The following LYRM4 variants were observed in gnomAD, a reference collection of about 807,000 sequenced individuals.
The protein encoded by LYRM4 is LYR motif-containing protein 4.
A neutral mutation model predicts 11.7 loss-of-function variants in LYRM4; 9 were observed. The ratio of observed to expected loss-of-function variants is 0.77; its 90% confidence interval spans 0.46 to 1.34. LYRM4 has a LOEUF of 1.34. LYRM4 is among the 40% of genes most tolerant of loss of function. LYRM4 has a pLI of 0.00. For missense variants in LYRM4, 133 were observed against 112.5 expected, an observed-to-expected ratio of 1.18 and a Z score of -0.82; for synonymous variants, 42 against 40.4, an observed-to-expected ratio of 1.04 and a Z score of -0.15.
At chr6:5,186,856 C>A (rs766103796) in intron 2 of LYRM4, 3 of 478,766 alleles carry the variant, frequency 6.3e-6, no homozygotes, top group Admixed American at 3.1e-5. Context: ...TGGTGGCGTG[C>A]GCCTATAATC....
chr6:5,137,998 C>T (rs1056468148), intron 2 of LYRM4, among the ~76,000 whole-genome samples: 1 of 152,146 alleles, frequency 6.6e-6, no homozygotes, highest in African/African-American at 2.4e-5. Context: ...GTTCACTTTG[C>T]CTTTGGTCAA....
chr6:5,053,788 AAG>A, the LYRM4 span, among the ~76,000 whole-genome samples: 1 of 152,226 alleles, frequency 6.6e-6, no homozygotes, highest in African/African-American at 2.4e-5. Flanking sequence ...GCCAGTTTCA[AAG>A]ACTCTCTTTG....
chr6:5,101,133 C>T (rs991470453), downstream of LYRM4, among the ~76,000 whole-genome samples: 1 of 152,194 alleles, frequency 6.6e-6, no homozygotes, highest in African/African-American at 2.4e-5. Context: ...CACATAACCC[C>T]CACACCCCTT....
At chr6:5,098,471 G>A in the LYRM4 span, among the ~76,000 whole-genome samples, 26 of 152,272 alleles carry the variant, frequency 1.7e-4, no homozygotes, top group Admixed American at 3.9e-4. Context: ...ACATACCCTC[G>A]GAGTGGGCCT....
intron 2 of LYRM4, chr6:5,186,840 C>A: frequency 1.8e-6 from 1 of 543,508 alleles, no homozygotes; most frequent in Non-Finnish European, 3.0e-6. Context: ...AAAAATTAGC[C>A]AGGCGTGGTG....
chr6:5,097,089 T>G, the LYRM4 span, among the ~76,000 whole-genome samples: 3 of 152,238 alleles, frequency 2.0e-5, no homozygotes, highest in African/African-American at 7.2e-5. Context: ...TGTCTTATAG[T>G]TATGGAGACT....
At chr6:5,249,566 G>A (rs1764340434) in intron 1 of LYRM4, among the ~76,000 whole-genome samples, 1 of 152,142 alleles carries the variant, frequency 6.6e-6, no homozygotes, top group African/African-American at 2.4e-5. Flanking sequence ...GAATTCCAAT[G>A]AGAACCTATG....
At chr6:5,143,890 G>A (rs9504351) in intron 2 of LYRM4, among the ~76,000 whole-genome samples, 3,172 of 152,330 alleles carry the variant, frequency 0.021, 60 homozygotes, top group South Asian at 0.088. Flanking sequence ...TATTGTATAA[G>A]TGATTTATGT....
rs201424296 is a variant in LYRM4, at chr6:5,114,745, G to GA, written c.208-5255dup. On this transcript the variant is annotated intron_variant, in intron 2 of 2. Transcript: ENST00000330636. Reference sequence around the variant, plus strand: ...CTAACGAAAGCTGATGAGCTAAAAGGAAAAAAAAAAAATCGCAAAAAAAAA... The same window carrying GA: ...CTAACGAAAGCTGATGAGCTAAAAGGAAAAAAAAAAAAATCGCAAAAAAAAA... Among the ~76,000 whole-genome samples the GA allele has an allele frequency of 3.9e-3, 547 of 138,794 alleles. 2 individuals are homozygous for GA. The highest frequency in any genetic ancestry group is 7.2e-3 in the African/African-American group (274 of 37,872). 91.1% of individuals were successfully genotyped at this position (138,794 alleles called of 152,430 possible). A position where few individuals can be genotyped will look rare whatever the true frequency, so the allele number is the denominator to read the frequency against.
the LYRM4 span, among the ~76,000 whole-genome samples, chr6:5,089,688 T>C: frequency 6.6e-6 from 1 of 152,240 alleles, no homozygotes; most frequent in Non-Finnish European, 1.5e-5. Context: ...CCAGTATGGC[T>C]GCTAGGAAAG....
intron 1 of LYRM4, among the ~76,000 whole-genome samples, chr6:5,233,755 C>T (rs1009743312): frequency 2.1e-4 from 32 of 152,384 alleles, no homozygotes; most frequent in African/African-American, 7.7e-4. Context: ...ACACTACAGG[C>T]CCATGCCACC....
chr6:5,063,280 C>T, the LYRM4 span, among the ~76,000 whole-genome samples: 2 of 152,072 alleles, frequency 1.3e-5, no homozygotes, highest in Non-Finnish European at 2.9e-5. Context: ...ATTCTGTGCA[C>T]CGAGACCTGG....
chr6:5,183,369 A>AT (rs201988392), intron 2 of LYRM4, among the ~76,000 whole-genome samples: 12 of 151,592 alleles, frequency 7.9e-5, no homozygotes, highest in East Asian at 7.7e-4. Flanking sequence ...AGTGGCATGC[A>AT]TTTTTTTTTA....
chr6:5,066,051 G>A, the LYRM4 span: 2 of 395,396 alleles, frequency 5.1e-6, no homozygotes, highest in African/African-American at 2.1e-5. Flanking sequence ...TAGGTGTTAA[G>A]TTCTCGGTAA....
intron 2 of LYRM4, among the ~76,000 whole-genome samples, chr6:5,173,161 C>T (rs1759525714): frequency 1.3e-5 from 2 of 152,216 alleles, no homozygotes; most frequent in South Asian, 2.1e-4. Context: ...TATTTTATGG[C>T]TGTTTTCAAC....
chr6:5,049,822 A>G, the LYRM4 span, among the ~76,000 whole-genome samples: 1 of 152,044 alleles, frequency 6.6e-6, no homozygotes, highest in African/African-American at 2.4e-5. Flanking sequence ...GGCGTGCACC[A>G]CCATCCCTGG....
chr6:5,245,101 AAAAAAAAAAAAAATATATATATAT>A (rs1379883368), intron 1 of LYRM4, among the ~76,000 whole-genome samples: 43 of 55,104 alleles, frequency 7.8e-4, no homozygotes, highest in African/African-American at 2.6e-3. Flanking sequence ...AAAAAAAAAA[AAAAAAAAAAAAAATATATATATAT>A]ATATATATAT....
At chr6:5,219,072 G>A (rs773105836) in intron 1 of LYRM4, among the ~76,000 whole-genome samples, 4 of 152,144 alleles carry the variant, frequency 2.6e-5, no homozygotes, top group African/African-American at 4.8e-5. Flanking sequence ...TTTTCATTTC[G>A]TATGCTGCAT....
chr6:5,177,729 C>T (rs1007449913), intron 2 of LYRM4, among the ~76,000 whole-genome samples: 2 of 152,204 alleles, frequency 1.3e-5, no homozygotes, highest in Non-Finnish European at 2.9e-5. Flanking sequence ...TTGTTATCTT[C>T]TCTGAAGAGT....
Sources: gnomAD v4.1 joint callset for allele counts (sites outside exome capture counted in the v4.1 genomes callset) on GRCh38, gnomAD v4.1.1 for gene constraint, MANE v1.5 for transcripts, NCBI Gene and HGNC (gene_info 2026-07-23, HGNC 2026-07-21) for gene names.